Variants in RNF38 observed in about 807,000 individuals in gnomAD.
RNF38 encodes the protein E3 ubiquitin-protein ligase RNF38.
A neutral mutation model predicts 67.2 loss-of-function variants in RNF38; 15 were observed. That is an observed-to-expected ratio of 0.22 (90% CI 0.15 to 0.34). The LOEUF is 0.34. Among genes scored for constraint, RNF38 ranks in the 10% least tolerant of loss-of-function variants. The pLI is 1.00. For missense variants in RNF38, 524 were observed against 639.9 expected (o/e 0.82, Z 1.95); for synonymous variants, 220 against 218.8 (o/e 1.01, Z -0.05).
At chr9:36,440,222 G>A (rs1343821935) in intron 1 of RNF38, among the ~76,000 whole-genome samples, 2 of 152,118 alleles carry the variant, frequency 1.3e-5, no homozygotes, top group Non-Finnish European at 2.9e-5. Context: ...CTACAGCCTG[G>A]GCAACACAGC....
chr9:36,345,046 C>T (rs898032790), intron 9 of RNF38, 93 bp from the exon 10 acceptor site: 4 of 1,375,086 alleles, frequency 2.9e-6, no homozygotes, highest in Non-Finnish European at 4.0e-6. Flanking sequence ...TGCTATGTTG[C>T]CCAGGCTAGA....
chr9:36,440,791 A>C (rs1034183719), intron 1 of RNF38, among the ~76,000 whole-genome samples: 8 of 152,304 alleles, frequency 5.3e-5, no homozygotes, highest in Admixed American at 1.3e-4. Context: ...TTAATTAAAA[A>C]CCAATAACAA....
At chr9:36,383,649 T>A (rs1387357321) in intron 2 of RNF38, among the ~76,000 whole-genome samples, 3 of 152,218 alleles carry the variant, frequency 2.0e-5, no homozygotes, top group African/African-American at 7.2e-5. Flanking sequence ...TGAAATTCTG[T>A]CTCTCAACCA....
At chr9:36,354,115 T>TC (rs1833906221) in intron 6 of RNF38, among the ~76,000 whole-genome samples, 2 of 152,210 alleles carry the variant, frequency 1.3e-5, no homozygotes, top group Non-Finnish European at 2.9e-5. Flanking sequence ...TTCCAGAACA[T>TC]TTTCATCAGC....
At position 36,357,913 on chromosome 9, in the gene RNF38, G is replaced by A. The variant is rs753606401; in HGVS notation, c.600C>T (p.Tyr200=). 7.4e-6 allele frequency: 12 copies of A among 1,613,710 alleles called. No homozygotes were observed. The Admixed American group carries it at 1.3e-4, about 18-fold the overall frequency. The change falls in exon 5 of 12, where the codon TAC becomes TAT. Residue 200 remains tyrosine, a synonymous_variant. Transcript: ENST00000259605. Reference sequence around the variant, plus strand: ...CATGTGGTGCCACTGTTGTTACTGTGTAAGAAACAGGGACTGTTCCTTGAT... The same window carrying A: ...CATGTGGTGCCACTGTTGTTACTGTATAAGAAACAGGGACTGTTCCTTGAT... ...QLHQGTVPVS[Y]TVTTVAPHGI...
intron 3 of RNF38, among the ~76,000 whole-genome samples, chr9:36,372,914 TA>T (rs1835492557): frequency 6.6e-6 from 1 of 152,150 alleles, no homozygotes; most frequent in African/African-American, 2.4e-5. Context: ...GTATTGTTTA[TA>T]ATACTAAGAG....
intron 10 of RNF38, 75 bp from the exon 11 acceptor site, chr9:36,342,499 G>T: frequency 2.2e-6 from 2 of 894,424 alleles, no homozygotes; most frequent in Non-Finnish European, 3.7e-6. Flanking sequence ...AAACCTACAA[G>T]ATAATTTATT....
intron 6 of RNF38, among the ~76,000 whole-genome samples, chr9:36,354,238 G>C (rs912046698): frequency 2.0e-5 from 3 of 152,060 alleles, no homozygotes; most frequent in Non-Finnish European, 4.4e-5. Flanking sequence ...TCTTGCCCAG[G>C]CTGGAGTGCA....
At chr9:36,344,462 C>T (rs953435147) in intron 10 of RNF38, among the ~76,000 whole-genome samples, 6 of 152,118 alleles carry the variant, frequency 3.9e-5, no homozygotes, top group African/African-American at 1.2e-4. Context: ...TGTGTGAAAA[C>T]AAACATTCTA....
chr9:36,447,682 G>A (rs940455857), intron 1 of RNF38, among the ~76,000 whole-genome samples: 2 of 151,944 alleles, frequency 1.3e-5, no homozygotes, highest in African/African-American at 4.8e-5. Flanking sequence ...TAGGATACTT[G>A]GTACAGTATT....
intron 2 of RNF38, among the ~76,000 whole-genome samples, chr9:36,377,468 G>C (rs1371700740): frequency 6.6e-6 from 1 of 152,112 alleles, no homozygotes; most frequent in Non-Finnish European, 1.5e-5. Context: ...AAATTACTTA[G>C]CAGTATTCCA....
At chr9:36,414,794 A>G (rs1838420147) in intron 2 of RNF38, among the ~76,000 whole-genome samples, 1 of 150,898 alleles carries the variant, frequency 6.6e-6, no homozygotes, top group African/African-American at 2.4e-5. Flanking sequence ...TAAGACTTTT[A>G]TCTTTCCTTT....
intron 1 of RNF38, among the ~76,000 whole-genome samples, chr9:36,465,123 C>T (rs1343029763): frequency 4.6e-5 from 7 of 152,134 alleles, no homozygotes; most frequent in Admixed American, 1.3e-4. Flanking sequence ...GTGTTGGCAA[C>T]AATGTGGAGA....
upstream of RNF38, among the ~76,000 whole-genome samples, chr9:36,405,682 A>G (rs766499867): frequency 3.9e-5 from 6 of 152,124 alleles, no homozygotes; most frequent in Non-Finnish European, 5.9e-5. Context: ...ATTTCCTTAG[A>G]TGTCCTGTTT....
intron 1 of RNF38, among the ~76,000 whole-genome samples, chr9:36,463,958 G>A (rs1839797376): frequency 1.3e-5 from 2 of 151,910 alleles, no homozygotes; most frequent in South Asian, 2.1e-4. Flanking sequence ...ACGAGGTCAG[G>A]AGATAGAGAC....
intron 3 of RNF38, among the ~76,000 whole-genome samples, chr9:36,373,175 C>T (rs1835517756): frequency 6.6e-6 from 1 of 152,178 alleles, no homozygotes; most frequent in Non-Finnish European, 1.5e-5. Context: ...CCATTGCACT[C>T]CAGCCTGGGC....
chr9:36,387,901 A>G (rs937190748), intron 2 of RNF38, among the ~76,000 whole-genome samples: 1 of 152,110 alleles, frequency 6.6e-6, no homozygotes, highest in African/African-American at 2.4e-5. Context: ...CAAAAAAAAC[A>G]GGAAACTACC....
intron 2 of RNF38, among the ~76,000 whole-genome samples, chr9:36,414,773 G>C (rs1476585830): frequency 6.7e-6 from 1 of 150,174 alleles, no homozygotes; most frequent in Non-Finnish European, 1.5e-5. Context: ...CTCAGCATTT[G>C]TTTGTCTGAA....
chr9:36,345,963 G>A (rs550473442), intron 9 of RNF38, among the ~76,000 whole-genome samples: 2 of 152,120 alleles, frequency 1.3e-5, no homozygotes, highest in African/African-American at 2.4e-5. Flanking sequence ...AAGACCCATC[G>A]TGTCCACTGG....
Sources: allele counts gnomAD v4.1 joint callset (sites outside exome capture counted in the v4.1 genomes callset), GRCh38; gene constraint gnomAD v4.1.1; transcripts MANE v1.5; gene names NCBI Gene and HGNC (gene_info 2026-07-23, HGNC 2026-07-21).